MYO1D: variants seen among roughly 807,000 people sequenced by gnomAD.
The protein encoded by MYO1D is unconventional myosin-Id.
Under a neutral mutation model 122.0 loss-of-function variants are expected in MYO1D, and 83 were observed. The ratio of observed to expected loss-of-function variants is 0.68; its 90% CI spans 0.57 to 0.82. The LOEUF is 0.82. Among genes scored for constraint, MYO1D ranks in the 40% least tolerant of loss-of-function variants. MYO1D has a pLI of 0.00. For synonymous variants in MYO1D, 464 were observed against 446.9 expected (o/e 1.04, Z -0.48); for missense variants, 1,157 against 1,269.5 (o/e 0.91, Z 1.35).
chr17:32,616,921 C>T (rs189622842), intron 20 of MYO1D, among the ~76,000 whole-genome samples: 33 of 152,314 alleles, frequency 2.2e-4, no homozygotes, highest in African/African-American at 7.7e-4. Context: ...CAACTACCAG[C>T]CAGTCGTGGT....
At chr17:32,641,575 C>T (rs1347848846) in intron 19 of MYO1D, among the ~76,000 whole-genome samples, 1 of 152,218 alleles carries the variant, frequency 6.6e-6, no homozygotes, top group Non-Finnish European at 1.5e-5. Flanking sequence ...TCCTATTTCT[C>T]CACATCCTCT....
intron 21 of MYO1D, among the ~76,000 whole-genome samples, chr17:32,538,195 T>C (rs892953251): frequency 1.3e-5 from 2 of 152,046 alleles, no homozygotes; most frequent in African/African-American, 4.8e-5. Context: ...TGAGTTGCAA[T>C]AGTAACTGAC....
chr17:32,512,262 T>G (rs1909721598), intron 21 of MYO1D, among the ~76,000 whole-genome samples: 1 of 151,436 alleles, frequency 6.6e-6, no homozygotes, highest in Non-Finnish European at 1.5e-5. Context: ...ATGGCGCCAC[T>G]GCCTTCCAGC....
chr17:32,621,309 T>G (rs1332390048), intron 20 of MYO1D, among the ~76,000 whole-genome samples: 1 of 152,066 alleles, frequency 6.6e-6, no homozygotes, highest in African/African-American at 2.4e-5. Flanking sequence ...TTCTGCCATA[T>G]TCTGCACCCT....
At chr17:32,712,326 C>A (rs188469995) in intron 15 of MYO1D, 131 bp from the exon 16 acceptor site, 2 of 787,734 alleles carry the variant, frequency 2.5e-6, no homozygotes, top group Admixed American at 2.7e-5. Context: ...ATTTCATTAG[C>A]CTCATAAGGT....
chr17:32,697,461 T>C (rs1021692547), intron 16 of MYO1D, among the ~76,000 whole-genome samples: 2 of 152,184 alleles, frequency 1.3e-5, no homozygotes, highest in African/African-American at 4.8e-5. Context: ...AATAAAGCAA[T>C]GAATGGACTA....
intron 16 of MYO1D, among the ~76,000 whole-genome samples, chr17:32,663,401 T>C (rs2088596971): frequency 6.6e-6 from 1 of 152,212 alleles, no homozygotes; most frequent in African/African-American, 2.4e-5. Context: ...CCATGGTTTA[T>C]ACACCTTATC....
At chr17:32,750,027 C>T (rs113795283) in intron 11 of MYO1D, among the ~76,000 whole-genome samples, 5,519 of 152,268 alleles carry the variant, frequency 0.036, 158 homozygotes, top group Non-Finnish European at 0.054. Flanking sequence ...CTCCTGGAAT[C>T]GAATGTAACA....
intron 16 of MYO1D, among the ~76,000 whole-genome samples, chr17:32,674,086 G>T (rs968281317): frequency 6.6e-6 from 1 of 152,204 alleles, no homozygotes; most frequent in African/African-American, 2.4e-5. Flanking sequence ...TTCCATGTAT[G>T]AAGCTTGAAT....
chr17:32,522,978 G>A (rs1597874448), intron 21 of MYO1D, among the ~76,000 whole-genome samples: 1 of 152,096 alleles, frequency 6.6e-6, no homozygotes, highest in Admixed American at 6.5e-5. Context: ...CACCATGCCC[G>A]GCTAGTTTTT....
At chr17:32,496,569 G>A (rs908606297) in intron 21 of MYO1D, among the ~76,000 whole-genome samples, 1 of 152,202 alleles carries the variant, frequency 6.6e-6, no homozygotes, top group East Asian at 1.9e-4. Flanking sequence ...TGGCGGCGGG[G>A]TCCAGGTGGG....
chr17:32,687,461 T>G (rs1029460335), intron 16 of MYO1D, among the ~76,000 whole-genome samples: 16 of 152,158 alleles, frequency 1.1e-4, no homozygotes, highest in Non-Finnish European at 1.6e-4. Context: ...CCTCCCAAAG[T>G]GCTGGGATTA....
chr17:32,559,825 C>T (rs1433558242), intron 21 of MYO1D, among the ~76,000 whole-genome samples: 7 of 152,046 alleles, frequency 4.6e-5, no homozygotes, highest in African/African-American at 1.7e-4. Flanking sequence ...TAATTTAAAT[C>T]AATTATATCC....
At chr17:32,571,810 G>A (rs1019415797) in intron 21 of MYO1D, among the ~76,000 whole-genome samples, 1 of 152,036 alleles carries the variant, frequency 6.6e-6, no homozygotes, top group African/African-American at 2.4e-5. Flanking sequence ...TTTTACTCTA[G>A]CAAAGTAACC....
At chr17:32,670,525 G>A (rs1361198740) in intron 16 of MYO1D, among the ~76,000 whole-genome samples, 1 of 152,096 alleles carries the variant, frequency 6.6e-6, no homozygotes, top group African/African-American at 2.4e-5. Context: ...TCCCTGGTGC[G>A]ACCTTACCTT....
At position 32,678,004 on chromosome 17, in the gene MYO1D, C is replaced by A. The variant is rs151218366; in HGVS notation, c.2122-18666G>T. 4.5e-3 allele frequency among the ~76,000 whole-genome samples: 687 copies of A among 152,302 alleles called. 6 individuals are homozygous for A. The highest frequency in any genetic ancestry group is 0.013 in the African/African-American group (537 of 41,558). On this transcript the variant is annotated intron_variant, in intron 16 of 21. Coordinates refer to ENST00000318217, the MANE Select transcript of MYO1D (RefSeq NM_015194.3). Reference sequence around the variant, plus strand: ...CAGCATAGACATAAACCCTGCTGCACTGAACCTTGAAGAAATGGATGTGTA... The same window carrying A: ...CAGCATAGACATAAACCCTGCTGCAATGAACCTTGAAGAAATGGATGTGTA...
chr17:32,860,079 A>G (rs1305612760), intron 1 of MYO1D, among the ~76,000 whole-genome samples: 1 of 152,118 alleles, frequency 6.6e-6, no homozygotes, highest in African/African-American at 2.4e-5. Flanking sequence ...AGCACAACAC[A>G]AGCAGAGAGC....
At chr17:32,674,686 C>G (rs938260687) in intron 16 of MYO1D, among the ~76,000 whole-genome samples, 1 of 152,142 alleles carries the variant, frequency 6.6e-6, no homozygotes, top group Admixed American at 6.6e-5. Context: ...TTTTGGGAAA[C>G]AGTCATTTTT....
At chr17:32,569,102 A>G (rs1452697864) in intron 21 of MYO1D, among the ~76,000 whole-genome samples, 1 of 152,240 alleles carries the variant, frequency 6.6e-6, no homozygotes, top group Non-Finnish European at 1.5e-5. Context: ...AAATAAATAC[A>G]TTGAGGTCTG....
Sources: gnomAD v4.1 joint callset for allele counts (sites outside exome capture counted in the v4.1 genomes callset) on GRCh38, gnomAD v4.1.1 for gene constraint, MANE v1.5 for transcripts, NCBI Gene and HGNC (gene_info 2026-07-23, HGNC 2026-07-21) for gene names.